PPARGC1A: variants seen among roughly 807,000 people sequenced by gnomAD.
PPARGC1A encodes the protein peroxisome proliferator-activated receptor gamma coactivator 1-alpha.
A neutral mutation model predicts 88.7 loss-of-function variants in PPARGC1A; 25 were observed. The observed-to-expected ratio is 0.28, with a 90% CI of 0.21 to 0.39. The LOEUF is 0.39. Ranked by LOEUF, PPARGC1A falls within the 10% of genes least tolerant of loss-of-function variation. The pLI is 1.00. For missense variants in PPARGC1A, 880 were observed against 968.7 expected (o/e 0.91, Z 1.22); for synonymous variants, 363 against 355.6 (o/e 1.02, Z -0.24).
the PPARGC1A span, among the ~76,000 whole-genome samples, chr4:23,932,233 C>G: frequency 6.6e-6 from 1 of 152,044 alleles, no homozygotes; most frequent in Admixed American, 6.6e-5. Flanking sequence ...CTAAAAGGAC[C>G]CAAATACATG....
the PPARGC1A span, among the ~76,000 whole-genome samples, chr4:24,291,061 G>T: frequency 6.6e-6 from 1 of 152,048 alleles, no homozygotes; most frequent in South Asian, 2.1e-4. Context: ...CCTTAATCTG[G>T]CACTTTCTAT....
At chr4:23,961,054 C>T in the PPARGC1A span, among the ~76,000 whole-genome samples, 12 of 152,012 alleles carry the variant, frequency 7.9e-5, no homozygotes, top group Non-Finnish European at 1.0e-4. Context: ...TGTATGTGTG[C>T]GTGTGTAATT....
At chr4:24,436,593 G>C in the PPARGC1A span, among the ~76,000 whole-genome samples, 94 of 143,078 alleles carry the variant, frequency 6.6e-4, no homozygotes, top group Middle Eastern at 0.011. Context: ...CCGGGTCACA[G>C]AGCTGACATC....
At chr4:24,249,676 G>C in the PPARGC1A span, among the ~76,000 whole-genome samples, 4 of 152,196 alleles carry the variant, frequency 2.6e-5, no homozygotes, top group African/African-American at 9.7e-5. Context: ...CAATGTTTTT[G>C]CAAGGCAGGG....
chr4:24,352,737 C>T, the PPARGC1A span, among the ~76,000 whole-genome samples: 1 of 152,222 alleles, frequency 6.6e-6, no homozygotes, highest in Non-Finnish European at 1.5e-5. Flanking sequence ...TCCTCCCCTC[C>T]TGTGGAGCAC....
chr4:24,452,886 G>A, the PPARGC1A span, among the ~76,000 whole-genome samples: 1 of 152,208 alleles, frequency 6.6e-6, no homozygotes, highest in East Asian at 1.9e-4. Flanking sequence ...TGACGGGGGT[G>A]TAAGGAGGTT....
At chr4:24,049,322 A>ATATATATATATATATATG in the PPARGC1A span, among the ~76,000 whole-genome samples, 49 of 141,980 alleles carry the variant, frequency 3.5e-4, no homozygotes, top group East Asian at 5.0e-3. Flanking sequence ...ATATATATAT[A>ATATATATATATATATATG]TGTGTGTGTG....
chr4:24,070,198 G>A, the PPARGC1A span, among the ~76,000 whole-genome samples: 142 of 152,314 alleles, frequency 9.3e-4, no homozygotes, highest in African/African-American at 3.2e-3. Flanking sequence ...GAGGGATGTA[G>A]CTGGGCATTC....
the PPARGC1A span, among the ~76,000 whole-genome samples, chr4:24,169,634 CCG>C: frequency 2.0e-5 from 3 of 151,964 alleles, no homozygotes; most frequent in African/African-American, 4.8e-5. Context: ...CTTTGGGATG[CCG>C]AGGTGGGTGG....
chr4:24,265,255 G>A, the PPARGC1A span, among the ~76,000 whole-genome samples: 1 of 152,154 alleles, frequency 6.6e-6, no homozygotes, highest in Non-Finnish European at 1.5e-5. Flanking sequence ...CACCAAGAAA[G>A]CCTAGTACCA....
the PPARGC1A span, among the ~76,000 whole-genome samples, chr4:24,109,110 AT>A: frequency 6.7e-6 from 1 of 149,796 alleles, no homozygotes; most frequent in Non-Finnish European, 1.5e-5. Context: ...CAGAAAAGGC[AT>A]TTTTTTACCC....
At chr4:23,910,109 ATATG>A in the PPARGC1A span, among the ~76,000 whole-genome samples, 5 of 135,120 alleles carry the variant, frequency 3.7e-5, no homozygotes, top group Non-Finnish European at 6.1e-5. Context: ...ATATATATGT[ATATG>A]TGTGTGTATA....
chr4:24,218,702 A>G, the PPARGC1A span, among the ~76,000 whole-genome samples: 1 of 152,244 alleles, frequency 6.6e-6, no homozygotes, highest in East Asian at 1.9e-4. Flanking sequence ...CCAGACTTCC[A>G]TAGCCTACTC....
At chr4:24,035,260 C>T in the PPARGC1A span, among the ~76,000 whole-genome samples, 2 of 152,058 alleles carry the variant, frequency 1.3e-5, no homozygotes, top group African/African-American at 2.4e-5. Flanking sequence ...AAACTTTGGA[C>T]CAGGTGTGGT....
At chr4:24,177,477 G>A in the PPARGC1A span, among the ~76,000 whole-genome samples, 104 of 147,632 alleles carry the variant, frequency 7.0e-4, no homozygotes, top group East Asian at 0.018. Flanking sequence ...GGGGTGGGGG[G>A]AAGGGGGAGG....
the PPARGC1A span, among the ~76,000 whole-genome samples, chr4:24,098,542 A>G: frequency 6.6e-6 from 1 of 152,228 alleles, no homozygotes; most frequent in Non-Finnish European, 1.5e-5. Flanking sequence ...AGAGATAGAA[A>G]GCAAAAGACC....
chr4:23,950,734 G>C, the PPARGC1A span, among the ~76,000 whole-genome samples: 1 of 151,998 alleles, frequency 6.6e-6, no homozygotes, highest in Non-Finnish European at 1.5e-5. Context: ...TGATAATCGT[G>C]GTTAGTTCTC....
chr4:24,017,279 C>T, the PPARGC1A span, among the ~76,000 whole-genome samples: 2 of 152,160 alleles, frequency 1.3e-5, no homozygotes, highest in African/African-American at 4.8e-5. Flanking sequence ...CCAGTTGTGA[C>T]TTCAACAGTA....
chr4:24,377,688 T>G, the PPARGC1A span, among the ~76,000 whole-genome samples: 1 of 152,320 alleles, frequency 6.6e-6, no homozygotes, highest in African/African-American at 2.4e-5. Context: ...GTAGCGTCGA[T>G]TTCAGGATAC....
Sources: gnomAD v4.1 joint callset for allele counts (sites outside exome capture counted in the v4.1 genomes callset) on GRCh38, gnomAD v4.1.1 for gene constraint, MANE v1.5 for transcripts, NCBI Gene and HGNC (gene_info 2026-07-23, HGNC 2026-07-21) for gene names.